Variants in RBFOX2 observed in about 807,000 individuals in gnomAD.
The protein encoded by RBFOX2 is RNA binding fox-1 homolog 2, also known as RNA binding protein fox-1 homolog 2.
Under a neutral mutation model 49.1 loss-of-function variants are expected in RBFOX2, and 10 were observed. The ratio of observed to expected loss-of-function variants is 0.20; its 90% CI spans 0.13 to 0.35. The LOEUF is 0.35. Among genes scored for constraint, RBFOX2 ranks in the 10% least tolerant of loss-of-function variants. The pLI, the probability that RBFOX2 is intolerant of heterozygous loss-of-function variation, is 1.00. For missense variants in RBFOX2, 323 were observed against 486.9 expected (o/e 0.66, Z 3.17); for synonymous variants, 183 against 187.4 (o/e 0.98, Z 0.19).
chr22:35,993,821 T>C (rs1266306025), intron 1 of RBFOX2: 6 of 152,116 alleles, frequency 3.9e-5, no homozygotes, highest in Non-Finnish European at 5.9e-5. Flanking sequence ...ACCCCTTCTC[T>C]ACTAAAAATA....
At chr22:35,750,134 C>T (rs1934352304) in intron 9 of RBFOX2, among the ~76,000 whole-genome samples, 1 of 152,120 alleles carries the variant, frequency 6.6e-6, no homozygotes, top group Admixed American at 6.5e-5. Context: ...ATCTTGCCCA[C>T]CCTAGCCCTG....
chr22:35,789,322 C>T (rs1233477283), intron 2 of RBFOX2, among the ~76,000 whole-genome samples: 2 of 152,104 alleles, frequency 1.3e-5, no homozygotes, highest in African/African-American at 4.8e-5. Flanking sequence ...GTGGGTGGAT[C>T]ACCTGAGGTC....
chr22:35,755,454 G>A (rs1411833432), intron 9 of RBFOX2, among the ~76,000 whole-genome samples: 2 of 152,298 alleles, frequency 1.3e-5, no homozygotes, highest in East Asian at 3.9e-4. Context: ...ATAGCTGTAA[G>A]AAGAGTCTGG....
chr22:35,959,777 T>A (rs1443324824), intron 1 of RBFOX2, among the ~76,000 whole-genome samples: 1 of 152,206 alleles, frequency 6.6e-6, no homozygotes, highest in African/African-American at 2.4e-5. Flanking sequence ...GAGGTCCAGG[T>A]TGACTTCAAT....
intron 3 of RBFOX2, among the ~76,000 whole-genome samples, chr22:35,778,385 T>A (rs1034968705): frequency 6.6e-6 from 1 of 152,114 alleles, no homozygotes; most frequent in African/African-American, 2.4e-5. Context: ...TTTAGAACAG[T>A]CTCAGATTTA....
At chr22:35,850,193 T>TATAC (rs1556051941) in intron 1 of RBFOX2, among the ~76,000 whole-genome samples, 1 of 132,520 alleles carries the variant, frequency 7.5e-6, no homozygotes, top group Non-Finnish European at 1.6e-5. Context: ...CTCTCTCTCA[T>TATAC]ACACACACAC....
At chr22:36,017,477 G>A (rs1408109811) in intron 1 of RBFOX2, among the ~76,000 whole-genome samples, 3 of 152,190 alleles carry the variant, frequency 2.0e-5, no homozygotes, top group Non-Finnish European at 2.9e-5. Context: ...GCAGTGAGCC[G>A]AGATCATGCC....
chr22:35,923,866 T>C (rs1459949343), intron 1 of RBFOX2, among the ~76,000 whole-genome samples: 1 of 150,608 alleles, frequency 6.6e-6, no homozygotes, highest in Non-Finnish European at 1.5e-5. Context: ...CCTTAGTAAA[T>C]AGGGAAGCAA....
intron 2 of RBFOX2, among the ~76,000 whole-genome samples, chr22:35,803,471 T>C (rs1950137699): frequency 6.6e-6 from 1 of 151,222 alleles, no homozygotes; most frequent in South Asian, 2.1e-4. Context: ...AGCCCAGGAG[T>C]TCAAGACTAG....
intron 9 of RBFOX2, among the ~76,000 whole-genome samples, chr22:35,754,409 A>G (rs949487151): frequency 2.6e-5 from 4 of 152,222 alleles, no homozygotes; most frequent in African/African-American, 9.6e-5. Flanking sequence ...GCAAGTCTTA[A>G]TAAGACATAA....
chr22:35,791,982 T>A (rs890958782), intron 2 of RBFOX2, among the ~76,000 whole-genome samples: 4 of 152,156 alleles, frequency 2.6e-5, no homozygotes, highest in Non-Finnish European at 4.4e-5. Context: ...TCAAAGTACA[T>A]CTGCCATGTG....
intron 1 of RBFOX2, among the ~76,000 whole-genome samples, chr22:35,819,969 C>T (rs1375383043): frequency 6.6e-6 from 1 of 152,116 alleles, no homozygotes; most frequent in Non-Finnish European, 1.5e-5. Flanking sequence ...AAAGGGAACA[C>T]AAATGCAAAG....
At position 35,947,761 on chromosome 22, in the gene RBFOX2, T is replaced by TATAA. The variant is rs772253155; in HGVS notation, c.43-8865_43-8864insTTAT. Among the ~76,000 whole-genome samples, 39 of 149,894 alleles carry TATAA rather than the reference T, an allele frequency of 2.6e-4. 1 individual carries two copies. The highest frequency in any genetic ancestry group is 5.2e-4 in the Non-Finnish European group (35 of 67,704). On this transcript the variant is annotated intron_variant, in intron 1 of 5. Coordinates refer to the RBFOX2 transcript ENST00000408983. The stretch of plus-strand genomic sequence containing the variant: ...TACAAATAAAATATTTTTGTACAGC[T>TATAA]ATACAATGTGTTTATATTTTAAGCT...
chr22:35,964,908 T>C (rs542784496), upstream of RBFOX2, among the ~76,000 whole-genome samples: 1 of 152,216 alleles, frequency 6.6e-6, no homozygotes, highest in Admixed American at 6.5e-5. Flanking sequence ...ATGTCAAATA[T>C]TATAATCAGA....
chr22:35,924,437 T>TGTCTTAA (rs2051387336), intron 1 of RBFOX2, among the ~76,000 whole-genome samples: 1 of 152,220 alleles, frequency 6.6e-6, no homozygotes, highest in Admixed American at 6.5e-5. Flanking sequence ...ATTTATTGAG[T>TGTCTTAA]GTCTTAAGAG....
chr22:35,741,816 T>C lies in RBFOX2; in HGVS notation c.*2379A>G, dbSNP rs183413621. The C allele has an allele frequency of 6.0e-3, 913 of 152,766 alleles. 6 individuals are homozygous for C. The highest frequency in any genetic ancestry group is 8.2e-3 in the Non-Finnish European group (556 of 68,056). 9.5% of individuals were successfully genotyped at this position (152,766 alleles called of 1,614,324 possible). ...GAGCCGCCTTCTCTACCTTTCCCAT[T>C]ATCCTTACCTCTTTCTAGGAAAAAA... On this transcript the variant is annotated 3_prime_UTR_variant, in exon 12 of 12. Coordinates refer to ENST00000405409, the Ensembl canonical transcript of RBFOX2.
At chr22:35,821,310 G>A (rs1954412381) in intron 1 of RBFOX2, among the ~76,000 whole-genome samples, 1 of 152,046 alleles carries the variant, frequency 6.6e-6, no homozygotes, top group Non-Finnish European at 1.5e-5. Context: ...ATTAAAAGCA[G>A]CAGTAGCCTG....
At chr22:35,739,572 A>G (rs1345486121) in exon 12 of RBFOX2, 1 of 152,734 alleles carries the variant, frequency 6.5e-6, no homozygotes, top group Non-Finnish European at 1.5e-5. Flanking sequence ...TACTGTGAAC[A>G]GAAAAATACA....
intron 1 of RBFOX2, among the ~76,000 whole-genome samples, chr22:35,968,949 A>G (rs1014712108): frequency 6.6e-6 from 1 of 152,190 alleles, no homozygotes; most frequent in African/African-American, 2.4e-5. Context: ...CTATCCCTAC[A>G]TTCTGAACAC....
Sources: gnomAD v4.1 joint callset for allele counts (sites outside exome capture counted in the v4.1 genomes callset) on GRCh38, gnomAD v4.1.1 for gene constraint, MANE v1.5 for transcripts, NCBI Gene and HGNC (gene_info 2026-07-23, HGNC 2026-07-21) for gene names.